The following WWOX variants were observed in gnomAD, a reference collection of about 807,000 sequenced individuals.
WWOX encodes WW domain containing oxidoreductase.
WWOX carries 69 observed loss-of-function variants against 46.2 expected under a neutral mutation model. The observed-to-expected ratio is 1.49, with a 90% confidence interval of 1.23 to 1.82. WWOX has a LOEUF of 1.82. Ranked by LOEUF, WWOX falls within the 40% of genes most tolerant of loss-of-function variation. WWOX has a pLI of 0.00. For synonymous variants in WWOX, 359 were observed against 202.6 expected (o/e 1.77, Z -6.56); for missense variants, 919 against 542.6 (o/e 1.69, Z -6.89).
intron 8 of WWOX, among the ~76,000 whole-genome samples, chr16:78,435,632 A>T (rs1366897632): frequency 1.3e-5 from 2 of 152,112 alleles, no homozygotes; most frequent in African/African-American, 4.8e-5. Context: ...ACTGGACGTG[A>T]GCATTTCCCT....
At chr16:78,343,324 G>A (rs983236549) in intron 5 of WWOX, among the ~76,000 whole-genome samples, 1 of 120,768 alleles carries the variant, frequency 8.3e-6, no homozygotes, top group Non-Finnish European at 2.0e-5. Context: ...CACGTTCCTC[G>A]CCTACTTGCT....
chr16:78,642,353 T>A (rs2046739778), intron 8 of WWOX, among the ~76,000 whole-genome samples: 1 of 152,162 alleles, frequency 6.6e-6, no homozygotes, highest in Non-Finnish European at 1.5e-5. Context: ...GTCTCCAGAT[T>A]CCTTGTTCTG....
chr16:78,910,512 T>G (rs1039748877), intron 8 of WWOX, among the ~76,000 whole-genome samples: 7 of 151,778 alleles, frequency 4.6e-5, no homozygotes, highest in African/African-American at 9.7e-5. Flanking sequence ...TTTTGTTTTT[T>G]TTTTTTTTTA....
At chr16:78,815,974 G>T (rs922712866) in intron 8 of WWOX, among the ~76,000 whole-genome samples, 23 of 152,160 alleles carry the variant, frequency 1.5e-4, no homozygotes, top group African/African-American at 5.3e-4. Context: ...GGGTGACCTT[G>T]TGTGTCCTTC....
chr16:79,011,459 T>TTTATTTA (rs1555511503), intron 8 of WWOX, among the ~76,000 whole-genome samples: 23 of 131,978 alleles, frequency 1.7e-4, no homozygotes, highest in South Asian at 2.5e-4. Context: ...TTATTTTTTA[T>TTTATTTA]TTTATTTATT....
At chr16:78,642,960 C>T (rs919021558) in intron 8 of WWOX, among the ~76,000 whole-genome samples, 4 of 152,082 alleles carry the variant, frequency 2.6e-5, no homozygotes, top group Admixed American at 6.5e-5. Context: ...ACCTGCTTCC[C>T]GGTGATTCTC....
intron 5 of WWOX, among the ~76,000 whole-genome samples, chr16:78,369,079 C>T (rs1307307932): frequency 2.7e-5 from 4 of 148,698 alleles, no homozygotes; most frequent in South Asian, 2.1e-4. Flanking sequence ...TTTAACTATT[C>T]TTCTTTAGAG....
At chr16:78,383,748 C>T (rs1465279278) in intron 5 of WWOX, among the ~76,000 whole-genome samples, 2 of 152,282 alleles carry the variant, frequency 1.3e-5, no homozygotes, top group East Asian at 1.9e-4. Flanking sequence ...CTCTCCATTT[C>T]TCAGGATTGG....
intron 8 of WWOX, among the ~76,000 whole-genome samples, chr16:78,549,936 A>G (rs1445832140): frequency 6.6e-6 from 1 of 152,176 alleles, no homozygotes; most frequent in Non-Finnish European, 1.5e-5. Flanking sequence ...AAAGAAAGAA[A>G]AAAAAGAAAA....
intron 8 of WWOX, among the ~76,000 whole-genome samples, chr16:79,117,492 T>C (rs1362578451): frequency 1.3e-5 from 2 of 152,194 alleles, no homozygotes; most frequent in African/African-American, 2.4e-5. Context: ...ATTTTGGGAA[T>C]GGTAAATGAG....
chr16:78,654,976 T>C (rs1196696554), intron 8 of WWOX, among the ~76,000 whole-genome samples: 6 of 152,164 alleles, frequency 3.9e-5, no homozygotes, highest in African/African-American at 1.4e-4. Flanking sequence ...ACATTTAAAA[T>C]GAGCACCACC....
At chr16:78,722,054 C>T (rs901986764) in intron 8 of WWOX, among the ~76,000 whole-genome samples, 2 of 152,176 alleles carry the variant, frequency 1.3e-5, no homozygotes, top group African/African-American at 4.8e-5. Context: ...TTGCTTAAAT[C>T]AAGAAGCTAA....
intron 8 of WWOX, among the ~76,000 whole-genome samples, chr16:78,814,769 C>A (rs1039202061): frequency 6.6e-6 from 1 of 152,206 alleles, no homozygotes; most frequent in African/African-American, 2.4e-5. Flanking sequence ...TAAGACATTA[C>A]AGCCAAGGCC....
Position 79,193,055 on chromosome 16 carries a change from C to T in WWOX, c.1057-18553C>T, listed in dbSNP as rs12443857. ...ATGGCTGTGAACTGCCAAAGAGTTG[C>T]CAATTCTCTACGATCTTTGACCTCT... On this transcript the variant is annotated intron_variant, in intron 8 of 8. Transcript: ENST00000566780. 3.4e-3 allele frequency among the ~76,000 whole-genome samples: 522 copies of T among 152,306 alleles called. 5 individuals carry two copies. The highest frequency in any genetic ancestry group is 0.025 in the Admixed American group (379 of 15,296).
intron 7 of WWOX, among the ~76,000 whole-genome samples, chr16:78,425,305 T>A (rs1299047753): frequency 6.6e-6 from 1 of 152,154 alleles, no homozygotes; most frequent in East Asian, 1.9e-4. Flanking sequence ...TTGATTTTGC[T>A]TAGAGATGGA....
intron 8 of WWOX, among the ~76,000 whole-genome samples, chr16:78,632,537 T>C (rs989148554): frequency 6.9e-6 from 1 of 145,750 alleles, no homozygotes; most frequent in African/African-American, 2.5e-5. Context: ...AGACACTCTC[T>C]TCCCCCACTT....
At chr16:78,637,032 A>C (rs1031441030) in intron 8 of WWOX, among the ~76,000 whole-genome samples, 3 of 152,222 alleles carry the variant, frequency 2.0e-5, no homozygotes, top group African/African-American at 7.2e-5. Context: ...CAAGCTGTCC[A>C]ATCCCTGCTC....
chr16:78,754,422 G>C (rs1471015974), intron 8 of WWOX, among the ~76,000 whole-genome samples: 1 of 152,124 alleles, frequency 6.6e-6, no homozygotes, highest in Non-Finnish European at 1.5e-5. Flanking sequence ...TTGTAGATCA[G>C]GGTTTTGAAG....
At chr16:78,565,796 T>G (rs1302878973) in intron 8 of WWOX, among the ~76,000 whole-genome samples, 1 of 152,098 alleles carries the variant, frequency 6.6e-6, no homozygotes, top group Non-Finnish European at 1.5e-5. Flanking sequence ...GAATATAAGC[T>G]TTATCCAGGG....
Sources: gnomAD v4.1 joint callset for allele counts (sites outside exome capture counted in the v4.1 genomes callset) on GRCh38, gnomAD v4.1.1 for gene constraint, MANE v1.5 for transcripts, NCBI Gene and HGNC (gene_info 2026-07-23, HGNC 2026-07-21) for gene names.